The following IQCK variants were observed in gnomAD, a reference collection of about 807,000 sequenced individuals.
IQCK encodes IQ domain-containing protein K.
In IQCK, 29 loss-of-function variants were observed where a neutral mutation model predicts 28.1. That is an observed-to-expected ratio of 1.03 (90% CI 0.77 to 1.41). The LOEUF is 1.41. Among genes scored for constraint, IQCK ranks in the 40% most tolerant of loss-of-function variants. The pLI is 0.00. For synonymous variants in IQCK, 113 were observed against 115.1 expected (o/e 0.98, Z 0.12); for missense variants, 359 against 314.7 (o/e 1.14, Z -1.07).
intron 7 of IQCK, among the ~76,000 whole-genome samples, chr16:19,802,942 CG>C (rs2055778274): frequency 1.3e-5 from 2 of 152,020 alleles, no homozygotes; most frequent in Admixed American, 1.3e-4. Context: ...ACGACTTTTA[CG>C]TAAGACTCGT....
chr16:19,830,005 T>A (rs2056209093), downstream of IQCK, among the ~76,000 whole-genome samples: 1 of 144,242 alleles, frequency 6.9e-6, no homozygotes, highest in Non-Finnish European at 1.5e-5. Context: ...CAGATAAATA[T>A]CAGTTGAACG....
At chr16:19,840,093 C>T (rs1449653865) in intron 9 of IQCK, among the ~76,000 whole-genome samples, 1 of 151,902 alleles carries the variant, frequency 6.6e-6, no homozygotes, top group African/African-American at 2.4e-5. Context: ...GGATAAAGAC[C>T]GCCTGTAATC....
intron 3 of IQCK, among the ~76,000 whole-genome samples, chr16:19,734,200 TA>T (rs979220885): frequency 1.3e-5 from 2 of 149,616 alleles, no homozygotes; most frequent in African/African-American, 2.5e-5. Flanking sequence ...ACAAAAAATT[TA>T]AAAAAAAAAT....
downstream of IQCK, among the ~76,000 whole-genome samples, chr16:19,830,008 GTTGAACGA>G (rs1452162337): frequency 2.1e-5 from 3 of 139,982 alleles, 1 homozygote; most frequent in Admixed American, 2.2e-4. Context: ...ATAAATATCA[GTTGAACGA>G]ATGAATGAAT....
intron 6 of IQCK, among the ~76,000 whole-genome samples, chr16:19,780,981 G>A (rs1257035118): frequency 2.6e-5 from 4 of 152,068 alleles, no homozygotes; most frequent in Non-Finnish European, 5.9e-5. Flanking sequence ...AATCCAAACC[G>A]CCAAAGTAGA....
At chr16:19,819,466 C>G (rs1252698032) in intron 7 of IQCK, 3 of 151,724 alleles carry the variant, frequency 2.0e-5, no homozygotes, top group African/African-American at 4.9e-5. Context: ...GTACTCCAGC[C>G]TGGGTGACAG....
At chr16:19,760,313 G>T (rs2055119206) in intron 4 of IQCK, among the ~76,000 whole-genome samples, 1 of 151,980 alleles carries the variant, frequency 6.6e-6, no homozygotes, top group South Asian at 2.1e-4. Context: ...GAATATATTG[G>T]TTCTTATACC....
intron 4 of IQCK, among the ~76,000 whole-genome samples, chr16:19,747,348 G>C (rs958039354): frequency 7.2e-5 from 11 of 152,120 alleles, no homozygotes; most frequent in Non-Finnish European, 1.5e-4. Flanking sequence ...GGGCAGCCAG[G>C]CAGGGTTGCT....
chr16:19,740,405 T>G (rs770555409), intron 4 of IQCK, among the ~76,000 whole-genome samples: 31 of 151,814 alleles, frequency 2.0e-4, no homozygotes, highest in Non-Finnish European at 4.1e-4. Context: ...GGAAGGGGAG[T>G]GAGGCTGGGT....
At chr16:19,792,566 C>T (rs2055628887) in intron 7 of IQCK, among the ~76,000 whole-genome samples, 2 of 111,120 alleles carry the variant, frequency 1.8e-5, no homozygotes, top group Non-Finnish European at 3.2e-5. Context: ...GTATACTGAA[C>T]ACCTTTTTTT....
At chr16:19,779,156 A>G (rs1460692614) in intron 6 of IQCK, among the ~76,000 whole-genome samples, 1 of 152,170 alleles carries the variant, frequency 6.6e-6, no homozygotes, top group Non-Finnish European at 1.5e-5. Flanking sequence ...CCTTCAGTGT[A>G]TCTGTTAAAA....
intron 1 of IQCK, among the ~76,000 whole-genome samples, chr16:19,723,377 T>TA (rs1348889680): frequency 6.6e-6 from 1 of 152,184 alleles, no homozygotes; most frequent in African/African-American, 2.4e-5. Context: ...GTTCACAACA[T>TA]ACCATTCACC....
chr16:19,834,956 C>G (rs543312218), intron 9 of IQCK, among the ~76,000 whole-genome samples: 1 of 152,224 alleles, frequency 6.6e-6, no homozygotes, highest in South Asian at 2.1e-4. Context: ...CATAGTTTTC[C>G]CATTCATCTA....
intron 7 of IQCK, among the ~76,000 whole-genome samples, chr16:19,806,100 G>T (rs1476549160): frequency 6.6e-6 from 1 of 152,160 alleles, no homozygotes; most frequent in Non-Finnish European, 1.5e-5. Flanking sequence ...TCTCTGAGAA[G>T]GTGTTATTTG....
chr16:19,820,420 C>A (rs949918965), intron 7 of IQCK, among the ~76,000 whole-genome samples: 11 of 152,010 alleles, frequency 7.2e-5, no homozygotes, highest in Admixed American at 5.2e-4. Flanking sequence ...GAGGCCGAGG[C>A]GGGTGGATCA....
chr16:19,743,170 C>CAAATAAATAAAT (rs137913243), intron 4 of IQCK, among the ~76,000 whole-genome samples: 9 of 151,514 alleles, frequency 5.9e-5, no homozygotes, highest in African/African-American at 9.7e-5. Context: ...GATTCTGTCT[C>CAAATAAATAAAT]AAATAAATAA....
chr16:19,816,221 A>C (rs1342933730), intron 7 of IQCK, among the ~76,000 whole-genome samples: 1 of 152,166 alleles, frequency 6.6e-6, no homozygotes, highest in Non-Finnish European at 1.5e-5. Flanking sequence ...CACAATGGGT[A>C]ATTTCAGAGT....
At chr16:19,768,489 G>A (rs1441207284) in intron 6 of IQCK, among the ~76,000 whole-genome samples, 1 of 152,206 alleles carries the variant, frequency 6.6e-6, no homozygotes, top group Non-Finnish European at 1.5e-5. Context: ...GCTGACACCT[G>A]TAATCTCAGC....
At chr16:19,743,314 T>C (rs1194364785) in intron 4 of IQCK, among the ~76,000 whole-genome samples, 1 of 152,228 alleles carries the variant, frequency 6.6e-6, no homozygotes, top group African/African-American at 2.4e-5. Context: ...ATACCTGCAG[T>C]GACTGGATCT....
Sources: gnomAD v4.1 joint callset for allele counts (sites outside exome capture counted in the v4.1 genomes callset) on GRCh38, gnomAD v4.1.1 for gene constraint, MANE v1.5 for transcripts, NCBI Gene and HGNC (gene_info 2026-07-23, HGNC 2026-07-21) for gene names.